Variants in GTF2H4 observed in about 807,000 individuals in gnomAD.
GTF2H4 encodes the protein BTF2 p52.
Under a neutral mutation model 62.2 loss-of-function variants are expected in GTF2H4, and 49 were observed. That is an observed-to-expected ratio of 0.79 (90% confidence interval 0.63 to 1.00). The LOEUF is 1.00. Ranked by LOEUF, GTF2H4 falls within the 50% of genes least tolerant of loss-of-function variation. The pLI is 0.00. For synonymous variants in GTF2H4, 189 were observed against 233.8 expected, an observed-to-expected ratio of 0.81 and a Z score of 1.75; for missense variants, 479 against 587.8, an observed-to-expected ratio of 0.81 and a Z score of 1.91.
In GTF2H4 at chr6:30,912,392, G is replaced by T. The variant is rs1302540456; in HGVS notation, c.1023G>T (p.Met341Ile). 1.2e-6 allele frequency: 2 copies of T among 1,612,908 alleles called. No individual in the cohort carries two copies. Among genetic ancestry groups the T allele is most frequent in the Non-Finnish European group, 1.7e-6 (2 of 1,180,032 alleles). Residue 341 changes from methionine (M) to isoleucine (I), a missense_variant, in exon 11 of 14, where the codon ATG (methionine) becomes ATT (isoleucine). Physicochemically the swap from Met to Ile is conservative, Grantham distance 10. Transcript: ENST00000259895. This position sits in a 1 kb window ranked among gnomAD's most constrained non-coding sequence, Gnocchi z 4.8. ...AGATGCTCTATCGGTTCCCCAACAT[G>T]GTGGTGGCGCAGGTGACCCGGGAGA... is the stretch of plus-strand genomic sequence containing the variant. ...FSEMLYRFPN[M>I]VVAQVTRESV... is the part of the protein sequence containing the mutation.
In GTF2H4 at chr6:30,911,775, C is replaced by T. The variant is rs758454484; in HGVS notation, c.825+8C>T. ...CTTGTTTTCCAGAGGAAGGTATGAG[C>T]GCCTAGATAAGTGGCTTCCAGGGAA... On this transcript the variant is annotated splice_region_variant and intron_variant, in intron 9 of 13. Transcript: ENST00000259895. This position sits in a 1 kb window ranked among gnomAD's most constrained non-coding sequence, Gnocchi z 4.3. The T allele has an allele frequency of 3.1e-6, 5 of 1,609,814 alleles. No homozygotes were observed. The highest frequency in any genetic ancestry group is 2.2e-5 in the East Asian group (1 of 44,884).
Position 30,910,835 on chromosome 6 carries a change from T to G in GTF2H4, c.472-18T>G. On this transcript the variant is annotated intron_variant, in intron 5 of 13. Coordinates refer to ENST00000259895, the MANE Select transcript of GTF2H4 (RefSeq NM_001517.5). The surrounding 1 kb of genome is among the most constrained non-coding windows in gnomAD (Gnocchi z 4.7). ...TGGCCCTTGGGGCATGGTCTCCCTG[T>G]TCTCTTCTGTTCTTCAGGTGGTCTT... 1.2e-6 allele frequency: 2 copies of G among 1,610,430 alleles called. No individual in the cohort carries two copies. Among genetic ancestry groups the G allele is most frequent in the Non-Finnish European group, 1.7e-6 (2 of 1,178,022 alleles).
Position 30,913,225 on chromosome 6 carries a change from C to A in GTF2H4, c.1137+68C>A, listed in dbSNP as rs1389955842. ...TGACATGATGGAAAAGAAAAAGGGG[C>A]ATCCAAATCTGGGGAAGAAACAGAG... On this transcript the variant is annotated intron_variant, in intron 12 of 13. Transcript: ENST00000259895. This position sits in a 1 kb window ranked among gnomAD's most constrained non-coding sequence, Gnocchi z 4.2. 7 of 1,612,210 alleles carry A rather than the reference C, an allele frequency of 4.3e-6. No homozygotes were observed. The highest frequency in any genetic ancestry group is 5.1e-6 in the Non-Finnish European group (6 of 1,178,666).
Position 30,913,028 on chromosome 6 carries a change from T to G in GTF2H4, c.1090-82T>G, listed in dbSNP as rs961408748. 2.2e-6 allele frequency: 3 copies of G among 1,356,864 alleles called. No homozygotes were observed. The Admixed American group carries it at 5.3e-5, about 24-fold the overall frequency. 84.1% of individuals were successfully genotyped at this position (1,356,864 alleles called of 1,614,324 possible). On this transcript the variant is annotated intron_variant, in intron 11 of 13. Transcript: ENST00000259895. This position sits in a 1 kb window ranked among gnomAD's most constrained non-coding sequence, Gnocchi z 4.2. The stretch of plus-strand genomic sequence containing the variant: ...ATGAGTTTTTAGAATAAGCTGATGT[T>G]CCAGTGACATTAGGTGACAGCTCAG...
rs1185003139 is a variant in GTF2H4, at chr6:30,911,333, T to C, written c.672+64T>C. On this transcript the variant is annotated intron_variant, in intron 7 of 13. Transcript: ENST00000259895. The surrounding 1 kb of genome is among the most constrained non-coding windows in gnomAD (Gnocchi z 4.3). ...CTCTCAGGTCTCACTGAGAGACTCC[T>C]GCCTACAGACTGTTCCCTGATTTTC... 1.8e-5 allele frequency: 28 copies of C among 1,520,432 alleles called. No individual in the cohort carries two copies. The highest frequency in any genetic ancestry group is 2.6e-5 in the Non-Finnish European group (28 of 1,096,702). 94.2% of individuals were successfully genotyped at this position (1,520,432 alleles called of 1,614,324 possible).
chr6:30,913,989 C>T lies in GTF2H4; in HGVS notation c.*6C>T, dbSNP rs111748487. ...GGCAGAAACATAGCTCCTGAGAGCG[C>T]GGGACTTGGACACGGACCTCGGCGG... is the stretch of plus-strand genomic sequence containing the variant. On this transcript the variant is annotated 3_prime_UTR_variant, in exon 14 of 14. Transcript: ENST00000259895. The surrounding 1 kb of genome is among the most constrained non-coding windows in gnomAD (Gnocchi z 4.2). 2.2e-4 allele frequency: 276 copies of T among 1,236,360 alleles called. No individual in the cohort carries two copies. In the African/African-American group the frequency reaches 3.5e-3, roughly 16 times the overall value. The allele number at this position is 1,236,360 out of a possible 1,614,324, so 76.6% of individuals were successfully genotyped here. A position where few individuals can be genotyped will look rare whatever the true frequency, so the allele number is the denominator to read the frequency against.
rs1249737020 is a variant in GTF2H4 at position 30,913,342 on chromosome 6, A to G, written c.1171A>G (p.Ile391Val). The change falls in exon 13 of 14, where the codon ATC (isoleucine) becomes GTC (valine). Residue 391 changes from isoleucine to valine, a missense_variant. Transcript: ENST00000259895. The surrounding 1 kb of genome is among the most constrained non-coding windows in gnomAD (Gnocchi z 4.2). Reference sequence around the variant, plus strand: ...GCTGCCCCCCACCATCACCGACCAGATCCGGCTCTGGGAGCTGGAAAGGGA... The same window carrying G: ...GCTGCCCCCCACCATCACCGACCAGGTCCGGCTCTGGGAGCTGGAAAGGGA... The part of the protein sequence containing the change: ...PVLPPTITDQ[I>V]RLWELERDRL... 6.2e-7 allele frequency: 1 copy of G among 1,613,348 alleles called. No homozygotes were observed. The highest frequency in any genetic ancestry group is 8.5e-7 in the Non-Finnish European group (1 of 1,180,008).
rs1248906110 is a variant in GTF2H4, at chr6:30,911,889, G to A, written c.825+122G>A. On this transcript the variant is annotated intron_variant, in intron 9 of 13. Coordinates refer to ENST00000259895, the MANE Select transcript of GTF2H4 (RefSeq NM_001517.5). The surrounding 1 kb of genome is among the most constrained non-coding windows in gnomAD (Gnocchi z 4.3). ...AGCAGTTGCCAGAACTGAATACTTG[G>A]GTCTCTCGGGGGAGAGAAGTTGGGG... 2 of 1,393,374 alleles carry A rather than the reference G, an allele frequency of 1.4e-6. No homozygotes were observed. The highest frequency in any genetic ancestry group is 2.0e-6 in the Non-Finnish European group (2 of 996,060). The allele number at this position is 1,393,374 out of a possible 1,614,324, so 86.3% of individuals were successfully genotyped here. A position where few individuals can be genotyped will look rare whatever the true frequency, so the allele number is the denominator to read the frequency against.
chr6:30,912,097 G>C lies in GTF2H4; in HGVS notation c.909G>C (p.Gln303His). The C allele has an allele frequency of 1.2e-6, 2 of 1,613,032 alleles. No homozygotes were observed. The highest frequency in any genetic ancestry group is 1.7e-6 in the Non-Finnish European group (2 of 1,180,030). Residue 303 changes from glutamine to histidine, a missense_variant, in exon 10 of 14, where the codon CAG (glutamine) becomes CAC (histidine). Physicochemically the swap from Gln to His is conservative, Grantham distance 24. Coordinates refer to ENST00000259895, the MANE Select transcript of GTF2H4 (RefSeq NM_001517.5). This position sits in a 1 kb window ranked among gnomAD's most constrained non-coding sequence, Gnocchi z 4.8. Reference protein sequence around the residue: ...GVSGAGGTVHQPGFIVVETNY... With the variant: ...GVSGAGGTVHHPGFIVVETNY... ...CTGGAGCTGGGGGCACTGTGCATCAGCCAGGTTTCATTGTCGTGGAAACCA... is the reference window on the plus strand; with the variant it reads ...CTGGAGCTGGGGGCACTGTGCATCACCCAGGTTTCATTGTCGTGGAAACCA...
At position 30,911,427 on chromosome 6, in the gene GTF2H4, C is replaced by G. The variant is rs749794597; in HGVS notation, c.673-4C>G. 12 of 1,613,052 alleles carry G rather than the reference C, an allele frequency of 7.4e-6. No homozygotes were observed. The highest frequency in any genetic ancestry group is 1.0e-5 in the Non-Finnish European group (12 of 1,179,180). On this transcript the variant is annotated splice_region_variant and splice_polypyrimidine_tract_variant and intron_variant, in intron 7 of 13. Coordinates refer to ENST00000259895, the MANE Select transcript of GTF2H4 (RefSeq NM_001517.5). This position sits in a 1 kb window ranked among gnomAD's most constrained non-coding sequence, Gnocchi z 4.3. Reference sequence around the variant, plus strand: ...CTCCTTTGTCTCTGCCTCTTTCTCCCTAGAGCCGGGGCATGGACCTGGTAG... The same window carrying G: ...CTCCTTTGTCTCTGCCTCTTTCTCCGTAGAGCCGGGGCATGGACCTGGTAG...
chr6:30,911,003 G>T lies in GTF2H4; in HGVS notation c.560+62G>T. ...CCATCTCCTTGGGTCCCTAAGAAAT[G>T]GTATCTGGGGCTAGTCAAGATCAGA... On this transcript the variant is annotated intron_variant, in intron 6 of 13. Transcript: ENST00000259895. The surrounding 1 kb of genome is among the most constrained non-coding windows in gnomAD (Gnocchi z 4.3). 7.1e-7 allele frequency: 1 copy of T among 1,409,516 alleles called. No homozygotes were observed. The highest frequency in any genetic ancestry group is 2.4e-5 in the East Asian group (1 of 42,098). The allele number at this position is 1,409,516 out of a possible 1,614,324, so 87.3% of individuals were successfully genotyped here. A position where few individuals can be genotyped will look rare whatever the true frequency, so the allele number is the denominator to read the frequency against.
In GTF2H4 at chr6:30,911,577, A is replaced by T. The variant is rs1415567963; in HGVS notation, c.741+78A>T. ...GGCAGTAGAGTAGACTGAGAAGATA[A>T]GAATGAAAACAGAACGAACAGAGAT... On this transcript the variant is annotated intron_variant, in intron 8 of 13. Coordinates refer to ENST00000259895, the MANE Select transcript of GTF2H4 (RefSeq NM_001517.5). This position sits in a 1 kb window ranked among gnomAD's most constrained non-coding sequence, Gnocchi z 4.3. The T allele has an allele frequency of 1.4e-6, 2 of 1,433,382 alleles. No homozygotes were observed. Among genetic ancestry groups the T allele is most frequent in the Non-Finnish European group, 2.0e-6 (2 of 1,016,272 alleles). The allele number at this position is 1,433,382 out of a possible 1,614,324, so 88.8% of individuals were successfully genotyped here.
chr6:30,908,352 C>A lies in GTF2H4; in HGVS notation c.-55C>A, dbSNP rs1199319140. ...AGGAGCCAATGCGAGACTTTGGCTC[C>A]GATTAAGCGACGGCCCGAGACTCGG... On this transcript the variant is annotated 5_prime_UTR_variant, in exon 1 of 14. Coordinates refer to ENST00000259895, the MANE Select transcript of GTF2H4 (RefSeq NM_001517.5). 3 of 154,756 alleles carry A rather than the reference C, an allele frequency of 1.9e-5. No individual in the cohort carries two copies. Among genetic ancestry groups the A allele is most frequent in the Non-Finnish European group, 2.9e-5 (2 of 68,722 alleles). The allele number at this position is 154,756 out of a possible 1,614,324, so 9.6% of individuals were successfully genotyped here. A position where few individuals can be genotyped will look rare whatever the true frequency, so the allele number is the denominator to read the frequency against.
In GTF2H4 at chr6:30,911,145, TCTTTGTCTCTAGTA is replaced by T. The variant is rs1793746101; in HGVS notation, c.561-10_564del. On this transcript the variant is annotated splice_acceptor_variant and splice_polypyrimidine_tract_variant and coding_sequence_variant and intron_variant, in exon 7 of 14. Transcript: ENST00000259895. LOFTEE classifies it high-confidence loss of function. This position sits in a 1 kb window ranked among gnomAD's most constrained non-coding sequence, Gnocchi z 4.3. ...CTGCATATCACCATCATTGTCCTGGTCTTTGTCTCTAGTACTGAACCTGGAGAGCCGCCCTGCAT... is the reference window on the plus strand; with the variant it reads ...CTGCATATCACCATCATTGTCCTGGTCTGAACCTGGAGAGCCGCCCTGCAT... 6 of 1,596,636 alleles carry T rather than the reference TCTTTGTCTCTAGTA, an allele frequency of 3.8e-6. No individual in the cohort carries two copies. The highest frequency in any genetic ancestry group is 1.7e-5 in the Admixed American group (1 of 59,988).
chr6:30,908,370 A>G lies in GTF2H4; in HGVS notation c.-37A>G, dbSNP rs1793620030. 1 of 154,820 alleles carries G rather than the reference A, an allele frequency of 6.5e-6. No individual in the cohort carries two copies. 9.6% of individuals were successfully genotyped at this position (154,820 alleles called of 1,614,324 possible). ...TTGGCTCCGATTAAGCGACGGCCCG[A>G]GACTCGGGGTGCGCGAGGAGGATCG... On this transcript the variant is annotated 5_prime_UTR_variant, in exon 1 of 14. Transcript: ENST00000259895.
chr6:30,909,646 TA>T lies in GTF2H4; in HGVS notation c.242+110del. The T allele has an allele frequency of 4.3e-6, 3 of 701,826 alleles. No homozygotes were observed. Among genetic ancestry groups the T allele is most frequent in the Non-Finnish European group, 7.3e-6 (3 of 410,888 alleles). 43.5% of individuals were successfully genotyped at this position (701,826 alleles called of 1,614,324 possible). The stretch of plus-strand genomic sequence containing the variant: ...ATAGATATATCACAAAACTTAAAAA[TA>T]AATACATTTGGGAAACTCTGCATAT... On this transcript the variant is annotated intron_variant, in intron 3 of 13. Coordinates refer to ENST00000259895, the MANE Select transcript of GTF2H4 (RefSeq NM_001517.5). The surrounding 1 kb of genome is among the most constrained non-coding windows in gnomAD (Gnocchi z 4.3).
Position 30,913,748 on chromosome 6 carries a change from T to C in GTF2H4, c.1217-63T>C, listed in dbSNP as rs1463792484. The stretch of plus-strand genomic sequence containing the variant: ...ACCAAGGAGCTGGGGGGATTCCCAA[T>C]AGGAGCTCCGAGCTTCACTTTCTCG... On this transcript the variant is annotated intron_variant, in intron 13 of 13. Transcript: ENST00000259895. The surrounding 1 kb of genome is among the most constrained non-coding windows in gnomAD (Gnocchi z 4.2). The C allele has an allele frequency of 5.6e-6, 8 of 1,430,288 alleles. No homozygotes were observed. The East Asian group carries it at 2.0e-4, about 36-fold the overall frequency. 88.6% of individuals were successfully genotyped at this position (1,430,288 alleles called of 1,614,324 possible).
Position 30,912,190 on chromosome 6 carries a change from A to G in GTF2H4, c.958+44A>G. 2 of 1,609,170 alleles carry G rather than the reference A, an allele frequency of 1.2e-6. No homozygotes were observed. The highest frequency in any genetic ancestry group is 2.2e-5 in the South Asian group (2 of 90,748). ...CCCCTGGAAGAGGAGGTTGGGGGTG[A>G]GGGAATGCCAGTTTATGTTCGTGTT... On this transcript the variant is annotated intron_variant, in intron 10 of 13. Coordinates refer to ENST00000259895, the MANE Select transcript of GTF2H4 (RefSeq NM_001517.5). The surrounding 1 kb of genome is among the most constrained non-coding windows in gnomAD (Gnocchi z 4.8).
In GTF2H4 at chr6:30,911,648, T is replaced by G; in HGVS notation, c.742-36T>G. The G allele has an allele frequency of 6.5e-7, 1 of 1,548,044 alleles. No individual in the cohort carries two copies. The highest frequency in any genetic ancestry group is 8.9e-7 in the Non-Finnish European group (1 of 1,120,658). The stretch of plus-strand genomic sequence containing the variant: ...TATGGGGTTGGGGGTGGGTGGGTTG[T>G]GTTTTGGACCCCAGCTGGAAACCTC... On this transcript the variant is annotated intron_variant, in intron 8 of 13. Coordinates refer to ENST00000259895, the MANE Select transcript of GTF2H4 (RefSeq NM_001517.5). This position sits in a 1 kb window ranked among gnomAD's most constrained non-coding sequence, Gnocchi z 4.3.
Sources: gnomAD v4.1 joint callset for allele counts on GRCh38, gnomAD v4.1.1 for gene constraint, Gnocchi (gnomAD v3.1) non-coding constraint, MANE v1.5 for transcripts, NCBI Gene and HGNC (gene_info 2026-07-23, HGNC 2026-07-21) for gene names.